Variants in ELOA observed in about 807,000 individuals in gnomAD.
ELOA encodes the protein elongin-A.
Under a neutral mutation model 85.2 loss-of-function variants are expected in ELOA, and 15 were observed. That is an observed-to-expected ratio of 0.18 (90% CI 0.12 to 0.27). The LOEUF (loss-of-function observed/expected upper bound fraction) is 0.27. Ranked by LOEUF, ELOA falls within the 10% of genes least tolerant of loss-of-function variation. The pLI is 1.00. For synonymous variants in ELOA, 348 were observed against 357.2 expected, an observed-to-expected ratio of 0.97 and a Z score of 0.29; for missense variants, 769 against 952.7, an observed-to-expected ratio of 0.81 and a Z score of 2.54.
chr1:23,757,223 T>A, intron 10 of ELOA, 98 bp downstream of exon 10: 1 of 1,318,876 alleles, frequency 7.6e-7, no homozygotes, highest in Non-Finnish European at 1.0e-6. Flanking sequence ...GACTGCATGT[T>A]GCATGTACAT....
Position 23,743,565 on chromosome 1 carries a change from C to T in ELOA, c.62C>T (p.Pro21Leu), listed in dbSNP as rs1228449974. The stretch of plus-strand genomic sequence containing the variant: ...CTGCAGGCGCGCCTGGCCGCGAACC[C>T]GGACCCTAAGAAGGTAAGCGAGGGG... ...EKLQARLAAN[P>L]DPKKLLKYLK... The change falls in exon 1 of 11, where the codon CCG (proline) becomes CTG (leucine). Residue 21 changes from proline to leucine, a missense_variant. Physicochemically the swap from Pro to Leu is moderately conservative, Grantham distance 98. Transcript: ENST00000613537. The T allele has an allele frequency of 4.7e-6, 7 of 1,493,960 alleles. No homozygotes were observed. In the Admixed American group the frequency reaches 6.5e-5, roughly 14 times the overall value. The allele number at this position is 1,493,960 out of a possible 1,614,324, so 92.5% of individuals were successfully genotyped here. A position where few individuals can be genotyped will look rare whatever the true frequency, so the allele number is the denominator to read the frequency against.
Position 23,751,531 on chromosome 1 carries a change from T to C in ELOA, c.926T>C (p.Leu309Pro), listed in dbSNP as rs1644770971. The C allele has an allele frequency of 1.9e-6, 3 of 1,613,982 alleles. No individual in the cohort carries two copies. The highest frequency in any genetic ancestry group is 2.7e-5 in the African/African-American group (2 of 74,902). ...KKEKDREGSSLKKKCLPPSEA... is the reference protein window; with the variant it reads ...KKEKDREGSSPKKKCLPPSEA... The stretch of plus-strand genomic sequence containing the variant: ...GAGAAGGACAGAGAGGGCAGCAGCC[T>C]GAAGAAGAAGTGTTTGCCTCCCTCA... The change falls in exon 4 of 11, where the codon CTG becomes CCG. Residue 309 changes from leucine to proline, a missense_variant. By Grantham distance (98) the Leu-to-Pro change is moderately conservative. Coordinates refer to ENST00000613537, the MANE Select transcript of ELOA (RefSeq NM_003198.3).
intron 3 of ELOA, 126 bp from the exon 4 acceptor site, chr1:23,750,716 ATCT>A (rs141965202): frequency 0.032 from 28,479 of 895,208 alleles, 597 homozygotes; most frequent in Non-Finnish European, 0.039. Flanking sequence ...TAACCTACTT[ATCT>A]TCTTCTTAAG....
At position 23,746,606 on chromosome 1, in the gene ELOA, T is replaced by G. The variant is rs1570589406; in HGVS notation, c.76-2415T>G. ...TGGACAACAAGAGCAAAACTCCATCTCCAAAAAAAAAAAAAAAAAAAAAAA... is the reference window on the plus strand; with the variant it reads ...TGGACAACAAGAGCAAAACTCCATCGCCAAAAAAAAAAAAAAAAAAAAAAA... On this transcript the variant is annotated intron_variant, in intron 1 of 10. Transcript: ENST00000613537. Among the ~76,000 whole-genome samples the G allele has an allele frequency of 7.8e-5, 4 of 51,048 alleles. No individual in the cohort carries two copies. In the South Asian group the frequency reaches 3.6e-3, roughly 46 times the overall value. 33.5% of individuals were successfully genotyped at this position (51,048 alleles called of 152,430 possible).
chr1:23,758,763 A>G, intron 10 of ELOA, among the ~76,000 whole-genome samples: 1 of 151,870 alleles, frequency 6.6e-6, no homozygotes, highest in East Asian at 1.9e-4. Flanking sequence ...TGAACCATTC[A>G]GGAGGCAGGC....
chr1:23,750,981 C>A lies in ELOA; in HGVS notation c.376C>A (p.Pro126Thr). The A allele has an allele frequency of 6.2e-7, 1 of 1,613,992 alleles. No homozygotes were observed. The highest frequency in any genetic ancestry group is 8.5e-7 in the Non-Finnish European group (1 of 1,180,018). ...AGCCACGGGGAGCCGATCCTATAGC[C>A]CTGACCACAGGCAGAAGAAACATAG... ...WKATGSRSYS[P>T]DHRQKKHRKL... The change falls in exon 4 of 11, where the codon CCT (proline) becomes ACT (threonine). Residue 126 changes from proline to threonine, a missense_variant. By Grantham distance (38) the Pro-to-Thr change is conservative (BLOSUM62 -1). Around this residue, in one of 4 missense-constraint regions of ELOA, gnomAD observed 440 missense variants for 474.0 expected, o/e 0.93. Coordinates refer to ENST00000613537, the MANE Select transcript of ELOA (RefSeq NM_003198.3).
In ELOA at chr1:23,757,023, C is replaced by T; in HGVS notation, c.2155C>T (p.Pro719Ser). The part of the protein sequence containing the change: ...SASSISFNPS[P>S]EEPAYDGPST... Reference sequence around the variant, plus strand: ...CAGTAGCATCAGCTTTAACCCCAGCCCTGAGGAGCCGGCCTATGATGGCCC... The same window carrying T: ...CAGTAGCATCAGCTTTAACCCCAGCTCTGAGGAGCCGGCCTATGATGGCCC... The change falls in exon 10 of 11, where the codon CCT (proline) becomes TCT (serine). Residue 719 changes from proline (P) to serine (S), a missense_variant. Around this residue, in one of 4 missense-constraint regions of ELOA, gnomAD observed 116 missense variants for 141.0 expected, o/e 0.82. Transcript: ENST00000613537. 1.2e-6 allele frequency: 2 copies of T among 1,611,156 alleles called. No individual in the cohort carries two copies. Among genetic ancestry groups the T allele is most frequent in the South Asian group, 2.2e-5 (2 of 90,602 alleles).
rs1205592274 is a variant in ELOA, at chr1:23,761,005, A to G, written c.*1432A>G. On this transcript the variant is annotated 3_prime_UTR_variant, in exon 11 of 11. Transcript: ENST00000613537. ...AAGGGATGGTAAGTGTGACAGCCTG[A>G]TAAGTTTTCTCAAAGCCCAGGATAC... is the stretch of plus-strand genomic sequence containing the variant. 1 of 152,176 alleles carries G rather than the reference A, an allele frequency of 6.6e-6. No individual in the cohort carries two copies. The highest frequency in any genetic ancestry group is 1.5e-5 in the Non-Finnish European group (1 of 68,044). The allele number at this position is 152,176 out of a possible 1,614,324, so 9.4% of individuals were successfully genotyped here. A position where few individuals can be genotyped will look rare whatever the true frequency, so the allele number is the denominator to read the frequency against.
chr1:23,756,929 A>G, intron 9 of ELOA, 24 bp from the exon 10 acceptor site: 2 of 1,469,286 alleles, frequency 1.4e-6, no homozygotes, highest in Non-Finnish European at 1.8e-6. Context: ...GCTCATGCCT[A>G]ACCAGTGTTG....
rs546349000 is a variant in ELOA at position 23,758,987 on chromosome 1, CT to C, written c.2258-523del. Among the ~76,000 whole-genome samples the C allele has an allele frequency of 1.6e-3, 240 of 152,230 alleles. 1 individual carries two copies. Among genetic ancestry groups the C allele is most frequent in the African/African-American group, 5.6e-3 (233 of 41,540 alleles). On this transcript the variant is annotated intron_variant, in intron 10 of 10. Coordinates refer to ENST00000613537, the MANE Select transcript of ELOA (RefSeq NM_003198.3). ...TTTGGGAGGCTGGGGTAGGAGGGTG[CT>C]TGAGCCCAGGAGATCGAGACCAGCC...
In ELOA at chr1:23,749,035, G is replaced by T; in HGVS notation, c.90G>T (p.Leu30Phe). The T allele has an allele frequency of 6.2e-7, 1 of 1,613,264 alleles. No individual in the cohort carries two copies. The highest frequency in any genetic ancestry group is 8.5e-7 in the Non-Finnish European group (1 of 1,179,498). ...NPDPKKLLKY[L>F]KKLSTLPITV... is the part of the protein sequence containing the mutation. The stretch of plus-strand genomic sequence containing the variant: ...CTTCTCTGCAGCTATTGAAATATTT[G>T]AAGAAACTCTCCACCCTGCCTATTA... The change falls in exon 2 of 11, where the codon TTG (leucine) becomes TTT (phenylalanine). Residue 30 changes from leucine (L) to phenylalanine (F), a missense_variant. Coordinates refer to ENST00000613537, the MANE Select transcript of ELOA (RefSeq NM_003198.3).
chr1:23,751,303 C>A lies in ELOA; in HGVS notation c.698C>A (p.Pro233His). Residue 233 changes from proline (P) to histidine (H), a missense_variant, in exon 4 of 11, where the codon CCC becomes CAC. Pro to His is a moderately conservative substitution (Grantham distance 77, BLOSUM62 -2). This residue lies in a region of ELOA where 440 missense variants were observed against 474.0 expected (regional missense o/e 0.93). Transcript: ENST00000613537. ...AGCCAAGAACGACACCTGGGTGAACCCCATGGGAAAGGGGTTGTGAGTCAA... is the reference window on the plus strand; with the variant it reads ...AGCCAAGAACGACACCTGGGTGAACACCATGGGAAAGGGGTTGTGAGTCAA... ...GASQERHLGEPHGKGVVSQNK... is the reference protein window; with the variant it reads ...GASQERHLGEHHGKGVVSQNK... 6.2e-7 allele frequency: 1 copy of A among 1,614,148 alleles called. No individual in the cohort carries two copies. The highest frequency in any genetic ancestry group is 8.5e-7 in the Non-Finnish European group (1 of 1,180,044).
chr1:23,750,746 C>A, intron 3 of ELOA, 99 bp from the exon 4 acceptor site: 1 of 1,172,734 alleles, frequency 8.5e-7, no homozygotes, highest in Non-Finnish European at 1.2e-6. Flanking sequence ...TTGTTTCTAA[C>A]TCTGCATCTT....
rs1019436209 is a variant in ELOA, at chr1:23,746,336, A to G, written c.76-2685A>G. On this transcript the variant is annotated intron_variant, in intron 1 of 10. Coordinates refer to ENST00000613537, the MANE Select transcript of ELOA (RefSeq NM_003198.3). ...CACACACACACAGTTGGCCGGGCGC[A>G]GTGGCTCACGCTTGTAATCACAGCA... Among the ~76,000 whole-genome samples, 22 of 149,430 alleles carry G rather than the reference A, an allele frequency of 1.5e-4. No individual in the cohort carries two copies. The Middle Eastern group carries it at 0.021, about 146-fold the overall frequency.
In ELOA at chr1:23,759,652, A is replaced by G; in HGVS notation, c.*79A>G. The G allele has an allele frequency of 6.6e-7, 1 of 1,506,158 alleles. No individual in the cohort carries two copies. Among genetic ancestry groups the G allele is most frequent in the African/African-American group, 1.4e-5 (1 of 72,656 alleles). The allele number at this position is 1,506,158 out of a possible 1,614,324, so 93.3% of individuals were successfully genotyped here. ...TGGGGGTTGGGGAATGGAATTCTAC[A>G]GGAGACTGGAGTCTTGCTTTGTGGA... On this transcript the variant is annotated 3_prime_UTR_variant, in exon 11 of 11. Transcript: ENST00000613537.
At chr1:23,752,725 C>G (rs1195280452) in intron 5 of ELOA, among the ~76,000 whole-genome samples, 1 of 151,868 alleles carries the variant, frequency 6.6e-6, no homozygotes, top group Admixed American at 6.6e-5. Context: ...GGCAGATCAC[C>G]TTAGGTAAGA....
chr1:23,758,299 A>T (rs1318908352), intron 10 of ELOA, among the ~76,000 whole-genome samples: 12 of 71,336 alleles, frequency 1.7e-4, no homozygotes, highest in African/African-American at 5.6e-4. Flanking sequence ...TTGGAGACAG[A>T]GTCTCACTCT....
At chr1:23,759,131 C>T (rs1218793742) in intron 10 of ELOA, among the ~76,000 whole-genome samples, 1 of 152,216 alleles carries the variant, frequency 6.6e-6, no homozygotes, top group African/African-American at 2.4e-5. Context: ...CTACAGTGTG[C>T]TGTGATTGTG....
Position 23,749,140 on chromosome 1 carries a change from G to A in ELOA, c.132+63G>A, listed in dbSNP as rs77534608. The A allele has an allele frequency of 1.8e-3, 2,622 of 1,417,310 alleles. 38 individuals are homozygous for A. The African/African-American group carries it at 0.031, about 17-fold the overall frequency. 87.8% of individuals were successfully genotyped at this position (1,417,310 alleles called of 1,614,324 possible). ...TCCCATTCCCTTCTCACTGGAGAGT[G>A]TGTAGAATAAGGTTACAAGTATGGG... On this transcript the variant is annotated intron_variant, in intron 2 of 10. Transcript: ENST00000613537.
Sources: gnomAD v4.1 joint callset for allele counts (sites outside exome capture counted in the v4.1 genomes callset) on GRCh38, gnomAD v4.1.1 for gene constraint, gnomAD v4.1.1 regional missense constraint, MANE v1.5 for transcripts, NCBI Gene and HGNC (gene_info 2026-07-23, HGNC 2026-07-21) for gene names.